Variants in PLCL1 observed in about 807,000 individuals in gnomAD.
PLCL1 encodes the protein phospholipase C like 1 (inactive), also known as inactive phospholipase C-like protein 1.
PLCL1 carries 41 observed loss-of-function variants against 84.4 expected under a neutral mutation model. The ratio of observed to expected loss-of-function variants is 0.49; its 90% CI spans 0.38 to 0.63. The LOEUF (loss-of-function observed/expected upper bound fraction) is 0.63. PLCL1 is among the 30% of genes least tolerant of loss of function. The pLI, the probability that PLCL1 is intolerant of heterozygous loss-of-function variation, is 0.00. For missense variants in PLCL1, 1,206 were observed against 1,367.8 expected, an observed-to-expected ratio of 0.88 and a Z score of 1.87; for synonymous variants, 490 against 488.3, an observed-to-expected ratio of 1.00 and a Z score of -0.05.
At chr2:198,075,884 G>C (rs966489482) in intron 1 of PLCL1, among the ~76,000 whole-genome samples, 4 of 152,184 alleles carry the variant, frequency 2.6e-5, no homozygotes. Flanking sequence ...CAAATCACTT[G>C]TACAATGCAT....
chr2:197,859,294 A>G (rs566324617), intron 1 of PLCL1, among the ~76,000 whole-genome samples: 2 of 152,292 alleles, frequency 1.3e-5, no homozygotes, highest in East Asian at 3.9e-4. Flanking sequence ...GCTTCCATGG[A>G]AGAAGAGAAG....
At chr2:197,895,469 A>G (rs991711766) in intron 1 of PLCL1, among the ~76,000 whole-genome samples, 3 of 151,974 alleles carry the variant, frequency 2.0e-5, no homozygotes, top group African/African-American at 4.8e-5. Context: ...GTAATTCTTA[A>G]TGAAGTCAAG....
intron 1 of PLCL1, among the ~76,000 whole-genome samples, chr2:197,958,514 A>G (rs1280026580): frequency 1.3e-5 from 2 of 152,052 alleles, no homozygotes; most frequent in African/African-American, 4.8e-5. Flanking sequence ...CCTTATTCTA[A>G]AATTGCATTA....
chr2:197,911,979 T>C (rs1688492440), intron 1 of PLCL1, among the ~76,000 whole-genome samples: 1 of 152,206 alleles, frequency 6.6e-6, no homozygotes, highest in Non-Finnish European at 1.5e-5. Context: ...ATCTTAATGC[T>C]TCCAGGATTA....
intron 1 of PLCL1, among the ~76,000 whole-genome samples, chr2:197,884,865 C>A (rs1687889318): frequency 6.6e-6 from 1 of 152,062 alleles, no homozygotes; most frequent in Non-Finnish European, 1.5e-5. Flanking sequence ...GCCTGCATAG[C>A]AAACAGAATG....
chr2:198,068,362 G>A (rs1220056470), intron 1 of PLCL1, among the ~76,000 whole-genome samples: 5 of 152,116 alleles, frequency 3.3e-5, no homozygotes, highest in Non-Finnish European at 7.4e-5. Flanking sequence ...AATTGACCCT[G>A]CATGGCTTGG....
chr2:197,990,237 A>C (rs556529208), intron 1 of PLCL1, among the ~76,000 whole-genome samples: 1 of 152,320 alleles, frequency 6.6e-6, no homozygotes, highest in East Asian at 1.9e-4. Context: ...GAGGCAAATA[A>C]ATGGAATACA....
At chr2:198,127,011 TGGGGG>T in intron 5 of PLCL1, among the ~76,000 whole-genome samples, 1 of 56,848 alleles carries the variant, frequency 1.8e-5, no homozygotes, top group African/African-American at 5.5e-5. Flanking sequence ...TGTGTGTGTG[TGGGGG>T]GTGGTGTATT....
At position 198,147,919 on chromosome 2, in the gene PLCL1, A is replaced by G. The variant is rs1327629406; in HGVS notation, c.*957A>G. The G allele has an allele frequency of 6.6e-6, 1 of 152,340 alleles. No individual in the cohort carries two copies. Among genetic ancestry groups the G allele is most frequent in the Non-Finnish European group, 1.5e-5 (1 of 68,028 alleles). The allele number at this position is 152,340 out of a possible 1,614,324, so 9.4% of individuals were successfully genotyped here. A position where few individuals can be genotyped will look rare whatever the true frequency, so the allele number is the denominator to read the frequency against. ...AATTTAGGGTACTAAATTTAAATTT[A>G]AAGATATTGTTCAAACAATATCATA... On this transcript the variant is annotated 3_prime_UTR_variant, in exon 6 of 6. Coordinates refer to ENST00000428675, the MANE Select transcript of PLCL1 (RefSeq NM_006226.4).
At chr2:198,043,749 G>T (rs945418761) in intron 1 of PLCL1, among the ~76,000 whole-genome samples, 2 of 152,136 alleles carry the variant, frequency 1.3e-5, no homozygotes, top group Admixed American at 6.6e-5. Flanking sequence ...GGGGGAGGTG[G>T]CAGAGAAGGG....
intron 1 of PLCL1, among the ~76,000 whole-genome samples, chr2:197,846,985 G>T (rs1299118135): frequency 6.6e-6 from 1 of 152,094 alleles, no homozygotes; most frequent in Non-Finnish European, 1.5e-5. Context: ...AGTAGGCTGG[G>T]TCCTTGAATA....
chr2:197,810,178 C>A, intron 1 of PLCL1: 1 of 447,042 alleles, frequency 2.2e-6, no homozygotes, highest in Non-Finnish European at 3.6e-6. Flanking sequence ...ATGATCCCCA[C>A]AACTTCAGTT....
chr2:197,969,111 A>G (rs1481698145), intron 1 of PLCL1, among the ~76,000 whole-genome samples: 1 of 152,202 alleles, frequency 6.6e-6, no homozygotes, highest in Non-Finnish European at 1.5e-5. Context: ...GCCTTATGAG[A>G]GTCTAATGCC....
chr2:197,983,190 CTTTTCTTTTCTTTTT>C (rs1690149061), intron 1 of PLCL1, among the ~76,000 whole-genome samples: 5 of 66,068 alleles, frequency 7.6e-5, no homozygotes, highest in African/African-American at 2.1e-4. Context: ...TTTTCTTTTT[CTTTTCTTTTCTTTTT>C]TTTTTTTTTT....
intron 1 of PLCL1, among the ~76,000 whole-genome samples, chr2:197,923,813 G>A (rs1212070309): frequency 6.6e-6 from 1 of 152,014 alleles, no homozygotes; most frequent in Non-Finnish European, 1.5e-5. Flanking sequence ...AGGCGGCTGG[G>A]AGGTGTAGGT....
At chr2:197,979,270 T>C (rs1227142417) in intron 1 of PLCL1, among the ~76,000 whole-genome samples, 1 of 152,226 alleles carries the variant, frequency 6.6e-6, no homozygotes, top group Non-Finnish European at 1.5e-5. Context: ...TTTTGTCCAA[T>C]TGATATGAGG....
At chr2:197,867,644 G>A (rs1236208561) in intron 1 of PLCL1, among the ~76,000 whole-genome samples, 2 of 152,112 alleles carry the variant, frequency 1.3e-5, no homozygotes, top group Non-Finnish European at 2.9e-5. Context: ...TTAACCAGGA[G>A]CAATCAAGCC....
At chr2:197,986,980 C>T (rs1320406241) in intron 1 of PLCL1, among the ~76,000 whole-genome samples, 1 of 152,236 alleles carries the variant, frequency 6.6e-6, no homozygotes, top group Non-Finnish European at 1.5e-5. Flanking sequence ...GGCCATACAA[C>T]TCTAAAGGGT....
At chr2:197,857,413 T>C (rs1252202692) in intron 1 of PLCL1, among the ~76,000 whole-genome samples, 1 of 152,162 alleles carries the variant, frequency 6.6e-6, no homozygotes, top group African/African-American at 2.4e-5. Context: ...AGAAAGTTTG[T>C]TCTCTGATAG....
Sources: gnomAD v4.1 joint callset for allele counts (sites outside exome capture counted in the v4.1 genomes callset) on GRCh38, gnomAD v4.1.1 for gene constraint, MANE v1.5 for transcripts, NCBI Gene and HGNC (gene_info 2026-07-23, HGNC 2026-07-21) for gene names.